FRMD4A: variants seen among roughly 807,000 people sequenced by gnomAD.
FRMD4A encodes FERM domain-containing protein 4A.
FRMD4A carries 29 observed loss-of-function variants against 129.1 expected under a neutral mutation model. That is an observed-to-expected ratio of 0.22 (90% CI 0.17 to 0.31). FRMD4A has a LOEUF of 0.31. FRMD4A is among the 10% of genes least tolerant of loss of function. The pLI, the probability that FRMD4A is intolerant of heterozygous loss-of-function variation, is 1.00. For synonymous variants in FRMD4A, 634 were observed against 571.6 expected, an observed-to-expected ratio of 1.11 and a Z score of -1.56; for missense variants, 1,272 against 1,375.8, an observed-to-expected ratio of 0.92 and a Z score of 1.19.
chr10:14,131,430 G>C lies in FRMD4A; in HGVS notation c.45+198628C>G, dbSNP rs1460368066. On this transcript the variant is annotated intron_variant, in intron 2 of 24. Coordinates refer to ENST00000357447, the MANE Select transcript of FRMD4A (RefSeq NM_018027.5). ...GGCCGCCCTGTTGTCTCTAGGTGCT[G>C]AGTCACTTTGGTTCAATACCCAGCC... is the stretch of plus-strand genomic sequence containing the variant. 2.6e-5 allele frequency among the ~76,000 whole-genome samples: 4 copies of C among 151,452 alleles called. No homozygotes were observed. The East Asian group carries it at 7.8e-4, about 30-fold the overall frequency.
chr10:14,041,678 T>A (rs1288435711), intron 2 of FRMD4A, among the ~76,000 whole-genome samples: 1 of 152,116 alleles, frequency 6.6e-6, no homozygotes, highest in Non-Finnish European at 1.5e-5. Flanking sequence ...GTAGAACAAA[T>A]AAATGTGTAG....
chr10:13,964,097 G>C (rs1461748010), intron 2 of FRMD4A, among the ~76,000 whole-genome samples: 1 of 150,310 alleles, frequency 6.7e-6, no homozygotes, highest in Non-Finnish European at 1.5e-5. Context: ...AGGACCAGGT[G>C]TGTTATCTTG....
At chr10:13,796,423 A>C (rs1203286267) in intron 5 of FRMD4A, 73 bp downstream of exon 5, 3 of 785,890 alleles carry the variant, frequency 3.8e-6, no homozygotes, top group East Asian at 2.5e-5. Flanking sequence ...TTTCCTTGGA[A>C]TCACTCTGCC....
At chr10:13,717,650 C>T (rs2088948078) in intron 12 of FRMD4A, among the ~76,000 whole-genome samples, 1 of 129,724 alleles carries the variant, frequency 7.7e-6, no homozygotes, top group Admixed American at 8.0e-5. Context: ...CAGGGTTTGA[C>T]TACTTTGGAG....
chr10:13,823,165 G>A (rs2093653768), intron 3 of FRMD4A, among the ~76,000 whole-genome samples: 2 of 152,180 alleles, frequency 1.3e-5, no homozygotes, highest in South Asian at 4.1e-4. Context: ...TTTGACAGGC[G>A]TACATAATGA....
rs144940009 is a variant in FRMD4A at position 13,765,195 on chromosome 10, A to G, written c.385-2515T>C. Among the ~76,000 whole-genome samples, 764 of 148,422 alleles carry G rather than the reference A, an allele frequency of 5.1e-3. 7 individuals carry two copies. The highest frequency in any genetic ancestry group is 0.024 in the Middle Eastern group (7 of 292). On this transcript the variant is annotated intron_variant, in intron 6 of 24. Transcript: ENST00000357447. ...AATGGTGCGATCTCGGCTCACTGCA[A>G]CTTCTGTCTCCCGGGTTCCAGCAAT...
intron 13 of FRMD4A, among the ~76,000 whole-genome samples, chr10:13,705,002 A>T (rs1246466167): frequency 2.6e-5 from 4 of 152,172 alleles, no homozygotes; most frequent in Admixed American, 1.3e-4. Flanking sequence ...TGAGCCTGGA[A>T]GGTGGAGGCT....
intron 2 of FRMD4A, among the ~76,000 whole-genome samples, chr10:13,917,207 C>A (rs539298456): frequency 6.6e-6 from 1 of 151,792 alleles, no homozygotes; most frequent in South Asian, 2.1e-4. Context: ...GATAAGCATG[C>A]GGATATTAAT....
chr10:14,011,445 T>C (rs1588765066), intron 2 of FRMD4A, among the ~76,000 whole-genome samples: 1 of 152,026 alleles, frequency 6.6e-6, no homozygotes, highest in South Asian at 2.1e-4. Context: ...TGGAGACCCA[T>C]CCAGTGGGAG....
chr10:14,055,738 AT>A (rs1383362891), intron 2 of FRMD4A, among the ~76,000 whole-genome samples: 20 of 152,230 alleles, frequency 1.3e-4, no homozygotes, highest in Non-Finnish European at 2.5e-4. Flanking sequence ...TACGGGGTAC[AT>A]GAGACGTTTT....
intron 2 of FRMD4A, among the ~76,000 whole-genome samples, chr10:14,301,668 T>C (rs528628569): frequency 6.6e-6 from 1 of 152,212 alleles, no homozygotes; most frequent in Non-Finnish European, 1.5e-5. Context: ...TCAAACTCTA[T>C]TCATAAAACT....
intron 2 of FRMD4A, among the ~76,000 whole-genome samples, chr10:14,121,709 C>T (rs1006035253): frequency 1.1e-4 from 16 of 152,200 alleles, no homozygotes; most frequent in African/African-American, 3.6e-4. Flanking sequence ...CTGCATCTCT[C>T]ACAAGCCTAA....
At chr10:13,716,737 A>G (rs957445253) in intron 12 of FRMD4A, among the ~76,000 whole-genome samples, 7 of 152,184 alleles carry the variant, frequency 4.6e-5, no homozygotes, top group African/African-American at 1.7e-4. Flanking sequence ...GAAAAGGGAG[A>G]AAGAGGTTAA....
intron 2 of FRMD4A, among the ~76,000 whole-genome samples, chr10:14,206,500 T>C (rs544443485): frequency 6.6e-6 from 1 of 152,072 alleles, no homozygotes; most frequent in African/African-American, 2.4e-5. Context: ...TAAAACCTAA[T>C]CTTTAAAAAG....
intron 2 of FRMD4A, among the ~76,000 whole-genome samples, chr10:14,129,408 A>AT (rs1491249191): frequency 0.43 from 44,093 of 102,020 alleles, 10,658 homozygotes; most frequent in South Asian, 0.48. Context: ...ATATATATAT[A>AT]AAAAATATGA....
chr10:14,293,205 ATAT>A (rs1845903059), intron 2 of FRMD4A, among the ~76,000 whole-genome samples: 1 of 152,162 alleles, frequency 6.6e-6, no homozygotes, highest in Non-Finnish European at 1.5e-5. Flanking sequence ...AAGCCTAATA[ATAT>A]TATTATCATG....
rs80048688 is a variant in FRMD4A, at chr10:13,652,079, G to C, written c.3051-105C>G. ...AGTAGCTTATTAATATATCCGAAAG[G>C]CTTGCTGATTAGACACCTGAGTTAG... On this transcript the variant is annotated intron_variant, in intron 23 of 24. Coordinates refer to ENST00000357447, the MANE Select transcript of FRMD4A (RefSeq NM_018027.5). 1.5e-3 allele frequency: 1,140 copies of C among 753,822 alleles called. 9 individuals carry two copies. The African/African-American group carries it at 0.017, about 11-fold the overall frequency. The allele number at this position is 753,822 out of a possible 1,614,324, so 46.7% of individuals were successfully genotyped here.
chr10:14,060,292 C>G (rs1430323986), intron 2 of FRMD4A, among the ~76,000 whole-genome samples: 1 of 152,196 alleles, frequency 6.6e-6, no homozygotes, highest in Non-Finnish European at 1.5e-5. Context: ...TTCTCATGGT[C>G]CATTCTTTGC....
chr10:13,959,708 T>C (rs1331317875), intron 2 of FRMD4A, among the ~76,000 whole-genome samples: 1 of 152,118 alleles, frequency 6.6e-6, no homozygotes, highest in Non-Finnish European at 1.5e-5. Context: ...TCCAAGCTCA[T>C]GCATGTGCTC....
Sources: gnomAD v4.1 joint callset for allele counts (sites outside exome capture counted in the v4.1 genomes callset) on GRCh38, gnomAD v4.1.1 for gene constraint, MANE v1.5 for transcripts, NCBI Gene and HGNC (gene_info 2026-07-23, HGNC 2026-07-21) for gene names.